The following CPXM2 variants were observed in gnomAD, a reference collection of about 807,000 sequenced individuals.
CPXM2 encodes the protein inactive carboxypeptidase-like protein X2.
Under a neutral mutation model 86.1 loss-of-function variants are expected in CPXM2, and 66 were observed. The observed-to-expected ratio is 0.77, with a 90% confidence interval of 0.63 to 0.94. CPXM2 has a LOEUF of 0.94. Ranked by LOEUF, CPXM2 falls within the 40% of genes least tolerant of loss-of-function variation. CPXM2 has a pLI of 0.00. For synonymous variants in CPXM2, 388 were observed against 400.2 expected (o/e 0.97, Z 0.36); for missense variants, 948 against 1,026.3 (o/e 0.92, Z 1.04).
At chr10:123,780,897 G>A (rs912289655) in intron 6 of CPXM2, among the ~76,000 whole-genome samples, 2 of 152,190 alleles carry the variant, frequency 1.3e-5, no homozygotes, top group Non-Finnish European at 2.9e-5. Context: ...AGATTGAAGG[G>A]AAAGACTTGA....
At position 123,933,135 on chromosome 10, in the gene CPXM2, C is replaced by T. The variant is rs1281999309; in HGVS notation, n.174+6342G>A. 2.0e-5 allele frequency among the ~76,000 whole-genome samples: 3 copies of T among 152,204 alleles called. 1 individual carries two copies. The highest frequency in any genetic ancestry group is 4.1e-4 in the South Asian group (2 of 4,832). ...TTTGGAAACCAAGCATGGGGCTCCA[C>T]CATGGCCTGGGTAGGGAATGGACAG... On this transcript the variant is annotated intron_variant and non_coding_transcript_variant, in intron 2 of 19. Coordinates refer to the CPXM2 transcript ENST00000368854.
rs1166336599 is a variant in CPXM2 at position 123,865,414 on chromosome 10, TAGAC to T, written c.404-2695_404-2692del. Among the ~76,000 whole-genome samples the T allele has an allele frequency of 1.3e-5, 2 of 152,072 alleles. No homozygotes were observed. The highest frequency in any genetic ancestry group is 2.9e-5 in the Non-Finnish European group (2 of 68,016). On this transcript the variant is annotated intron_variant, in intron 2 of 13. Coordinates refer to ENST00000241305, the MANE Select transcript of CPXM2 (RefSeq NM_198148.3). The surrounding 1 kb of genome is among the most constrained non-coding windows in gnomAD (Gnocchi z 4.7). Reference sequence around the variant, plus strand: ...TTTAAGAAACCTACCACAGCCAACTTAGACAGGAAGGGAAATCCCTAGAGAAATG... The same window carrying T: ...TTTAAGAAACCTACCACAGCCAACTTAGGAAGGGAAATCCCTAGAGAAATG...
At chr10:123,854,373 T>A (rs1290434951) in intron 3 of CPXM2, among the ~76,000 whole-genome samples, 20 of 83,112 alleles carry the variant, frequency 2.4e-4, no homozygotes, top group African/African-American at 1.0e-3. Flanking sequence ...TATATATATA[T>A]AATATATATA....
At position 123,862,715 on chromosome 10, in the gene CPXM2, G is replaced by T. The variant is rs2134196812; in HGVS notation, c.412C>A (p.Pro138Thr). The T allele has an allele frequency of 1.3e-6, 2 of 1,568,574 alleles. No individual in the cohort carries two copies. The highest frequency in any genetic ancestry group is 1.7e-6 in the Non-Finnish European group (2 of 1,165,402). The change falls in exon 3 of 14, where the codon CCT becomes ACT. Residue 138 changes from proline to threonine, a missense_variant. Coordinates refer to ENST00000241305, the MANE Select transcript of CPXM2 (RefSeq NM_198148.3). ...AREDVRESCPPLGLETLKITD... is the reference protein window; with the variant it reads ...AREDVRESCPTLGLETLKITD... ...ATTTTTAAGGTTTCCAGACCAAGAG[G>T]TGGGCAACCTGGAAAGGACAAATGC... is the stretch of plus-strand genomic sequence containing the variant.
chr10:123,809,442 G>A (rs1211285191), intron 4 of CPXM2, among the ~76,000 whole-genome samples: 1 of 152,170 alleles, frequency 6.6e-6, no homozygotes, highest in Non-Finnish European at 1.5e-5. Context: ...GTTAGTCATA[G>A]TGCATGATAA....
At chr10:123,804,698 T>G (rs1421028871) in intron 4 of CPXM2, among the ~76,000 whole-genome samples, 1 of 152,198 alleles carries the variant, frequency 6.6e-6, no homozygotes, top group African/African-American at 2.4e-5. Context: ...CTTGTCTTAT[T>G]ATACTGGCTA....
At chr10:123,930,179 T>C (rs954175978) in intron 2 of CPXM2, among the ~76,000 whole-genome samples, 2 of 137,150 alleles carry the variant, frequency 1.5e-5, no homozygotes, top group Admixed American at 1.5e-4. Context: ...TCAGCTCTCC[T>C]GGGAAAATTC....
chr10:123,770,683 G>A (rs901389654), intron 8 of CPXM2, among the ~76,000 whole-genome samples: 5 of 152,206 alleles, frequency 3.3e-5, no homozygotes, highest in Non-Finnish European at 5.9e-5. Context: ...AATGAAATAT[G>A]CTCCATTTGG....
chr10:123,820,853 T>C (rs1037250098), intron 4 of CPXM2, among the ~76,000 whole-genome samples: 4 of 152,186 alleles, frequency 2.6e-5, no homozygotes, highest in African/African-American at 4.8e-5. Flanking sequence ...TGTGATGAGA[T>C]TGGACTCACG....
chr10:123,752,504 C>T (rs1040259114), intron 13 of CPXM2: 12 of 985,302 alleles, frequency 1.2e-5, no homozygotes, highest in East Asian at 1.1e-4. Context: ...ATGCCAGGCC[C>T]ACTGCTAGGG....
rs756719474 is a variant in CPXM2 at position 123,791,193 on chromosome 10, C to A, written c.889+6783G>T. Among the ~76,000 whole-genome samples, 34 of 152,146 alleles carry A rather than the reference C, an allele frequency of 2.2e-4. 1 individual carries two copies. The highest frequency in any genetic ancestry group is 3.8e-4 in the Non-Finnish European group (26 of 68,032). ...CTTTGGGAGGCTGAGGCGGGCAGATCATCTGAGGTCGGGGGTTCGAGACCA... is the reference window on the plus strand; with the variant it reads ...CTTTGGGAGGCTGAGGCGGGCAGATAATCTGAGGTCGGGGGTTCGAGACCA... On this transcript the variant is annotated intron_variant, in intron 6 of 13. Coordinates refer to ENST00000241305, the MANE Select transcript of CPXM2 (RefSeq NM_198148.3).
At position 123,885,010 on chromosome 10, in the gene CPXM2, T is replaced by C. The variant is rs1387843557; in HGVS notation, c.305-4701A>G. ...GCAGCAGGTGGGTGTGTGCAGACAC[T>C]GTGCAGGGAGCTGTTGGTACCTGCC... On this transcript the variant is annotated intron_variant, in intron 1 of 13. Coordinates refer to ENST00000241305, the MANE Select transcript of CPXM2 (RefSeq NM_198148.3). This position sits in a 1 kb window ranked among gnomAD's most constrained non-coding sequence, Gnocchi z 4.0. Among the ~76,000 whole-genome samples the C allele has an allele frequency of 6.6e-6, 1 of 152,220 alleles. No individual in the cohort carries two copies. The highest frequency in any genetic ancestry group is 1.5e-5 in the Non-Finnish European group (1 of 68,026).
At chr10:123,864,541 G>A (rs1225867128) in intron 2 of CPXM2, among the ~76,000 whole-genome samples, 2 of 152,162 alleles carry the variant, frequency 1.3e-5, no homozygotes, top group East Asian at 1.9e-4. Context: ...TTTCACTGCC[G>A]TGTTGAAGGC....
chr10:123,892,819 G>T (rs950660866), upstream of CPXM2, among the ~76,000 whole-genome samples: 4 of 152,338 alleles, frequency 2.6e-5, no homozygotes, highest in Admixed American at 6.5e-5. Flanking sequence ...CTGGCTGTGG[G>T]CTGAGGCGCC....
chr10:123,908,589 G>A (rs573010301), intron 2 of CPXM2, among the ~76,000 whole-genome samples: 2 of 152,228 alleles, frequency 1.3e-5, no homozygotes, highest in African/African-American at 2.4e-5. Context: ...GGAGGGCTCG[G>A]GGCAAGGAGA....
At chr10:123,847,403 G>A (rs1265068091) in intron 3 of CPXM2, among the ~76,000 whole-genome samples, 1 of 152,094 alleles carries the variant, frequency 6.6e-6, no homozygotes, top group Non-Finnish European at 1.5e-5. Flanking sequence ...GTACAGGCCT[G>A]TAATCTCAGC....
intron 3 of CPXM2, among the ~76,000 whole-genome samples, chr10:123,844,198 T>C (rs1848448905): frequency 6.6e-6 from 1 of 152,122 alleles, no homozygotes; most frequent in Non-Finnish European, 1.5e-5. Context: ...ATAAATGATA[T>C]TCAGATGATG....
intron 10 of CPXM2, 83 bp from the exon 11 acceptor site, chr10:123,762,252 A>C: frequency 6.3e-7 from 1 of 1,577,710 alleles, no homozygotes; most frequent in Non-Finnish European, 8.7e-7. Flanking sequence ...ATAGTCGAAA[A>C]AGCAGTGCTT....
In CPXM2 at chr10:123,857,154, G is replaced by A. The variant is rs1218850747; in HGVS notation, c.513+5460C>T. Among the ~76,000 whole-genome samples the A allele has an allele frequency of 2.0e-5, 3 of 152,068 alleles. No individual in the cohort carries two copies. In the East Asian group the frequency reaches 5.8e-4, roughly 29 times the overall value. On this transcript the variant is annotated intron_variant, in intron 3 of 13. Coordinates refer to ENST00000241305, the MANE Select transcript of CPXM2 (RefSeq NM_198148.3). ...GAAAAGTCTATTTTGTCCCAATGTAGTGATAAAATGTAAATGTTGGTTTTT... is the reference window on the plus strand; with the variant it reads ...GAAAAGTCTATTTTGTCCCAATGTAATGATAAAATGTAAATGTTGGTTTTT...
Sources: allele counts gnomAD v4.1 joint callset (sites outside exome capture counted in the v4.1 genomes callset), GRCh38; gene constraint gnomAD v4.1.1; non-coding constraint Gnocchi (gnomAD v3.1); transcripts MANE v1.5; gene names NCBI Gene and HGNC (gene_info 2026-07-23, HGNC 2026-07-21).